SDR42E2: variants seen among roughly 807,000 people sequenced by gnomAD.
SDR42E2 encodes the protein short chain dehydrogenase/reductase family 42E, member 2.
SDR42E2 carries 20 observed loss-of-function variants against 10.5 expected under a neutral mutation model. That is an observed-to-expected ratio of 1.90 (90% CI 1.34 to 2.77). The LOEUF (loss-of-function observed/expected upper bound fraction) is 2.77. Among genes scored for constraint, SDR42E2 ranks in the 30% most tolerant of loss-of-function variants. SDR42E2 has a pLI of 0.00. For missense variants in SDR42E2, 162 were observed against 104.2 expected (o/e 1.55, Z -2.42); for synonymous variants, 72 against 39.2 (o/e 1.84, Z -3.12).
chr16:22,182,356 T>A (rs917697146), intron 10 of SDR42E2, 79 bp downstream of exon 10: 8 of 397,866 alleles, frequency 2.0e-5, no homozygotes, highest in East Asian at 3.6e-5. Flanking sequence ...TTTTTTTTTT[T>A]AATTTTTTGA....
chr16:22,179,296 TTTTTC>T (rs1390232305), intron 8 of SDR42E2, among the ~76,000 whole-genome samples: 1 of 152,068 alleles, frequency 6.6e-6, no homozygotes, highest in African/African-American at 2.4e-5. Flanking sequence ...GCAATCATTT[TTTTTC>T]TTTTGAGTTA....
chr16:22,185,472 A>G (rs955544398), intron 11 of SDR42E2, among the ~76,000 whole-genome samples: 3 of 152,164 alleles, frequency 2.0e-5, no homozygotes, highest in African/African-American at 4.8e-5. Flanking sequence ...CCAGTGGGCT[A>G]ACAGTAATTC....
intron 7 of SDR42E2, among the ~76,000 whole-genome samples, chr16:22,175,545 T>C (rs1015682102): frequency 1.3e-5 from 2 of 151,294 alleles, no homozygotes; most frequent in East Asian, 3.9e-4. Context: ...CCTTCCTTTT[T>C]TTTTTTTTTT....
At chr16:22,182,626 G>A (rs2046704987) in intron 10 of SDR42E2, among the ~76,000 whole-genome samples, 1 of 152,210 alleles carries the variant, frequency 6.6e-6, no homozygotes, top group South Asian at 2.1e-4. Flanking sequence ...GGGATTACAG[G>A]CATGAGCCAC....
At chr16:22,182,899 G>A (rs2046707294) in intron 10 of SDR42E2, among the ~76,000 whole-genome samples, 1 of 152,070 alleles carries the variant, frequency 6.6e-6, no homozygotes, top group Admixed American at 6.5e-5. Context: ...CAGCTACTTG[G>A]GCAGCTGAGG....
rs997569230 is a variant in SDR42E2, at chr16:22,185,802, T to G, written c.941-919T>G. Among the ~76,000 whole-genome samples, 14 of 152,072 alleles carry G rather than the reference T, an allele frequency of 9.2e-5. 1 individual carries two copies. The highest frequency in any genetic ancestry group is 3.1e-4 in the African/African-American group (13 of 41,412). On this transcript the variant is annotated intron_variant, in intron 11 of 12. Transcript: ENST00000602312. The stretch of plus-strand genomic sequence containing the variant: ...TTATACTTTAGTAGAGATGGGGGTC[T>G]TGCTATGTTACCCCAGCTGGTATCG...
At chr16:22,163,508 C>A (rs1298722642) in intron 1 of SDR42E2, among the ~76,000 whole-genome samples, 1 of 152,060 alleles carries the variant, frequency 6.6e-6, no homozygotes, top group Non-Finnish European at 1.5e-5. Flanking sequence ...GAGTTTGAGA[C>A]CAGCCTGGCC....
intron 7 of SDR42E2, 98 bp downstream of exon 7, chr16:22,172,429 C>CA: frequency 1.4e-6 from 1 of 690,412 alleles, no homozygotes; most frequent in Admixed American, 2.0e-5. Flanking sequence ...GTCTGAGGCC[C>CA]ACCTTCCTTC....
Position 22,190,439 on chromosome 16 carries a change from C to G in SDR42E2, c.*46C>G. The G allele has an allele frequency of 5.0e-6, 2 of 400,642 alleles. No individual in the cohort carries two copies. Among genetic ancestry groups the G allele is most frequent in the Non-Finnish European group, 8.8e-6 (2 of 226,930 alleles). 24.8% of individuals were successfully genotyped at this position (400,642 alleles called of 1,614,324 possible). A position where few individuals can be genotyped will look rare whatever the true frequency, so the allele number is the denominator to read the frequency against. The stretch of plus-strand genomic sequence containing the variant: ...GCTAGGGTCGGCCCCGCTGCACCCT[C>G]GCCCACGCCCGGCTCCCTGGGCTTG... On this transcript the variant is annotated 3_prime_UTR_variant, in exon 13 of 13. Coordinates refer to ENST00000602312, the MANE Select transcript of SDR42E2 (RefSeq NM_001394319.2).
At chr16:22,189,817 C>T (rs1412699396) in intron 12 of SDR42E2, among the ~76,000 whole-genome samples, 1 of 152,102 alleles carries the variant, frequency 6.6e-6, no homozygotes, top group Non-Finnish European at 1.5e-5. Flanking sequence ...GTCCCAGCAC[C>T]GTGCTAGGCC....
intron 1 of SDR42E2, among the ~76,000 whole-genome samples, chr16:22,162,831 C>T (rs1166659368): frequency 6.6e-6 from 1 of 152,184 alleles, no homozygotes; most frequent in Non-Finnish European, 1.5e-5. Flanking sequence ...CAGTTTCCAC[C>T]TCTGGGTAAT....
intron 1 of SDR42E2, among the ~76,000 whole-genome samples, chr16:22,164,026 C>T (rs1312214342): frequency 6.7e-6 from 1 of 149,050 alleles, no homozygotes; most frequent in African/African-American, 2.5e-5. Context: ...ATCACCTAGC[C>T]CTGGTCATCC....
rs1243195730 is a variant in SDR42E2, at chr16:22,165,552, C to T, written c.-31C>T. ...TTCTATTTTTTTTCCCACAGGTGGTCGGTTTCTGGGTCTGCATGGCTCAGT... is the reference window on the plus strand; with the variant it reads ...TTCTATTTTTTTTCCCACAGGTGGTTGGTTTCTGGGTCTGCATGGCTCAGT... On this transcript the variant is annotated 5_prime_UTR_variant, in exon 2 of 13. Transcript: ENST00000602312. 10 of 401,078 alleles carry T rather than the reference C, an allele frequency of 2.5e-5. No individual in the cohort carries two copies. The highest frequency in any genetic ancestry group is 3.6e-5 in the East Asian group (1 of 28,094). The allele number at this position is 401,078 out of a possible 1,614,324, so 24.8% of individuals were successfully genotyped here.
At chr16:22,179,866 G>A (rs1212856147) in intron 8 of SDR42E2, among the ~76,000 whole-genome samples, 3 of 151,546 alleles carry the variant, frequency 2.0e-5, no homozygotes, top group African/African-American at 4.9e-5. Flanking sequence ...AGGAAAAAGC[G>A]AGGTAGGGTG....
At chr16:22,173,925 A>ATATG (rs2046622401) in intron 7 of SDR42E2, among the ~76,000 whole-genome samples, 1 of 147,920 alleles carries the variant, frequency 6.8e-6, no homozygotes, top group Non-Finnish European at 1.5e-5. Flanking sequence ...ATATATATAT[A>ATATG]TATAGCTTTC....
intron 7 of SDR42E2, among the ~76,000 whole-genome samples, chr16:22,173,537 T>A (rs1191300204): frequency 6.6e-6 from 1 of 152,150 alleles, no homozygotes; most frequent in Non-Finnish European, 1.5e-5. Context: ...GCCCCATTCT[T>A]TATTCTACTT....
intron 12 of SDR42E2, among the ~76,000 whole-genome samples, chr16:22,189,247 C>A (rs1181577592): frequency 6.6e-6 from 1 of 152,144 alleles, no homozygotes; most frequent in East Asian, 1.9e-4. Context: ...GAGAATCCAG[C>A]AGCTGGTGGA....
chr16:22,173,528 C>A (rs115362615), intron 7 of SDR42E2, among the ~76,000 whole-genome samples: 4 of 152,182 alleles, frequency 2.6e-5, no homozygotes, highest in African/African-American at 9.6e-5. Flanking sequence ...CCACACCTGG[C>A]CCCATTCTTT....
Position 22,166,365 on chromosome 16 carries a change from C to T in SDR42E2, c.171C>T (p.Gly57=). The T allele has an allele frequency of 2.5e-6, 1 of 402,686 alleles. No individual in the cohort carries two copies. 24.9% of individuals were successfully genotyped at this position (402,686 alleles called of 1,614,324 possible). The change falls in exon 3 of 13, where the codon GGC becomes GGT. Residue 57 remains glycine, a synonymous_variant. Transcript: ENST00000602312. Reference sequence around the variant, plus strand: ...TGGGATCCCACCTAGCCAAGAGCGGCACTTCCGTCATTCTGCTTGACCGCC... The same window carrying T: ...TGGGATCCCACCTAGCCAAGAGCGGTACTTCCGTCATTCTGCTTGACCGCC... The part of the protein sequence containing the change: ...FSLGSHLAKS[G]TSVILLDRRR...
Sources: allele counts gnomAD v4.1 joint callset (sites outside exome capture counted in the v4.1 genomes callset), GRCh38; gene constraint gnomAD v4.1.1; transcripts MANE v1.5; gene names NCBI Gene and HGNC (gene_info 2026-07-23, HGNC 2026-07-21).